SNCAIP: variants seen among roughly 807,000 people sequenced by gnomAD.
The protein encoded by SNCAIP is synuclein alpha interacting protein, also known as synphilin-1.
In SNCAIP, 43 loss-of-function variants were observed where a neutral mutation model predicts 86.7. The ratio of observed to expected loss-of-function variants is 0.50; its 90% CI spans 0.39 to 0.64. SNCAIP has a LOEUF of 0.64. Ranked by LOEUF, SNCAIP falls within the 30% of genes least tolerant of loss-of-function variation. The probability of loss-of-function intolerance (pLI) is 0.00; values close to 1 mark genes in which losing one functional copy is unlikely to be tolerated. For synonymous variants in SNCAIP, 417 were observed against 427.2 expected (o/e 0.98, Z 0.29); for missense variants, 981 against 1,103.1 (o/e 0.89, Z 1.57).
At chr5:122,435,161 C>T (rs1412369733) in intron 6 of SNCAIP, among the ~76,000 whole-genome samples, 2 of 152,040 alleles carry the variant, frequency 1.3e-5, no homozygotes, top group Non-Finnish European at 2.9e-5. Context: ...TCAGAGGGTG[C>T]AATTATTTCA....
At chr5:122,339,516 G>T (rs1351743688) in intron 1 of SNCAIP, among the ~76,000 whole-genome samples, 1 of 152,168 alleles carries the variant, frequency 6.6e-6, no homozygotes, top group African/African-American at 2.4e-5. Flanking sequence ...GGGAGAGGCA[G>T]TTGGAATTCT....
intron 1 of SNCAIP, among the ~76,000 whole-genome samples, chr5:122,347,894 T>TA (rs961229953): frequency 1.6e-4 from 24 of 152,172 alleles, no homozygotes; most frequent in Admixed American, 3.9e-4. Flanking sequence ...ATTTTCTTTT[T>TA]AAAAAAAATA....
chr5:122,365,838 G>A (rs1292552443), intron 1 of SNCAIP, among the ~76,000 whole-genome samples: 2 of 152,190 alleles, frequency 1.3e-5, no homozygotes, highest in South Asian at 4.1e-4. Context: ...CAGGCGGGAT[G>A]CAGATGCATG....
intron 1 of SNCAIP, among the ~76,000 whole-genome samples, chr5:122,357,253 C>T (rs761023723): frequency 6.6e-6 from 1 of 151,660 alleles, no homozygotes; most frequent in Non-Finnish European, 1.5e-5. Context: ...TTATTTATTT[C>T]AAGACAGAGT....
At chr5:122,453,437 C>G (rs1031863675) in intron 10 of SNCAIP, among the ~76,000 whole-genome samples, 1 of 152,196 alleles carries the variant, frequency 6.6e-6, no homozygotes, top group African/African-American at 2.4e-5. Context: ...TACCATTTTG[C>G]TGATCTCAGG....
At chr5:122,411,505 A>G (rs146916055) in intron 3 of SNCAIP, among the ~76,000 whole-genome samples, 2 of 152,184 alleles carry the variant, frequency 1.3e-5, no homozygotes, top group African/African-American at 4.8e-5. Context: ...AATGGGCTCT[A>G]TCTTCCCATT....
At chr5:122,398,620 G>T (rs1771125773) in intron 2 of SNCAIP, among the ~76,000 whole-genome samples, 1 of 152,136 alleles carries the variant, frequency 6.6e-6, no homozygotes, top group African/African-American at 2.4e-5. Flanking sequence ...CACCATGGTT[G>T]TTTGGATGGC....
At chr5:122,402,542 A>G (rs1049039540) in intron 2 of SNCAIP, among the ~76,000 whole-genome samples, 4 of 152,112 alleles carry the variant, frequency 2.6e-5, no homozygotes, top group Admixed American at 1.3e-4. Flanking sequence ...CTGGAAATTT[A>G]ATTTGTTTGT....
intron 1 of SNCAIP, among the ~76,000 whole-genome samples, chr5:122,381,095 T>A (rs201171707): frequency 7.1e-6 from 1 of 141,010 alleles, no homozygotes; most frequent in African/African-American, 2.7e-5. Flanking sequence ...CTGGGTATCC[T>A]TGTTGACTTT....
chr5:122,387,352 G>A (rs1198772707), intron 1 of SNCAIP, among the ~76,000 whole-genome samples: 2 of 152,108 alleles, frequency 1.3e-5, no homozygotes, highest in East Asian at 3.9e-4. Flanking sequence ...TAGAGATGGG[G>A]TTTCATTGTG....
At position 122,358,203 on chromosome 5, in the gene SNCAIP, G is replaced by GTGTGTGTGTGTGTGTGTATA. The variant is rs1221236719; in HGVS notation, c.-46-32885_-46-32884insGTGTGTGTGTGTGTGTATAT. On this transcript the variant is annotated intron_variant, in intron 1 of 10. Transcript: ENST00000261368. ...TGTGTGTGTGTGTGTGTGTGTGTGT[G>GTGTGTGTGTGTGTGTGTATA]TATATATATATATATAAAATACTTT... Among the ~76,000 whole-genome samples, 4 of 130,334 alleles carry GTGTGTGTGTGTGTGTGTATA rather than the reference G, an allele frequency of 3.1e-5. No individual in the cohort carries two copies. The Admixed American group carries it at 3.1e-4, about 10-fold the overall frequency. The allele number at this position is 130,334 out of a possible 152,430, so 85.5% of individuals were successfully genotyped here. A position where few individuals can be genotyped will look rare whatever the true frequency, so the allele number is the denominator to read the frequency against.
intron 6 of SNCAIP, among the ~76,000 whole-genome samples, chr5:122,438,188 T>C (rs921254200): frequency 6.6e-6 from 1 of 152,222 alleles, no homozygotes; most frequent in Non-Finnish European, 1.5e-5. Context: ...CATCTTCTTA[T>C]AATGTTGATG....
intron 1 of SNCAIP, among the ~76,000 whole-genome samples, chr5:122,365,303 T>C (rs1359079730): frequency 6.6e-6 from 1 of 152,240 alleles, no homozygotes; most frequent in Non-Finnish European, 1.5e-5. Flanking sequence ...ATGATTTGTT[T>C]GGGGATAAGA....
intron 1 of SNCAIP, among the ~76,000 whole-genome samples, chr5:122,360,292 A>G (rs1761951579): frequency 6.6e-6 from 1 of 152,190 alleles, no homozygotes; most frequent in South Asian, 2.1e-4. Context: ...AGTGGCACCA[A>G]TGGAATAGAA....
intron 1 of SNCAIP, among the ~76,000 whole-genome samples, chr5:122,350,898 G>A (rs914531544): frequency 3.3e-5 from 5 of 152,144 alleles, no homozygotes; most frequent in African/African-American, 4.8e-5. Context: ...AGCAGAAGCC[G>A]GAACACCAAA....
intron 5 of SNCAIP, among the ~76,000 whole-genome samples, chr5:122,429,655 A>G (rs1778002519): frequency 6.6e-6 from 1 of 152,118 alleles, no homozygotes; most frequent in Admixed American, 6.5e-5. Flanking sequence ...TTCGTTTTTA[A>G]TCCTGGTAGG....
At chr5:122,444,309 C>T in intron 7 of SNCAIP, 1 of 549,096 alleles carries the variant, frequency 1.8e-6, no homozygotes, top group Non-Finnish European at 3.4e-6. Flanking sequence ...CTGCATATCT[C>T]ATAAAGGAGA....
chr5:122,359,078 C>A (rs1761686370), intron 1 of SNCAIP, among the ~76,000 whole-genome samples: 1 of 151,910 alleles, frequency 6.6e-6, no homozygotes, highest in South Asian at 2.1e-4. Flanking sequence ...AAGAACAATT[C>A]TTCATATACA....
At chr5:122,432,133 C>T in intron 6 of SNCAIP, 51 bp downstream of exon 6, 1 of 816,688 alleles carries the variant, frequency 1.2e-6, no homozygotes, top group Non-Finnish European at 2.2e-6. Context: ...TATAATCTTC[C>T]TACTTTTTTA....
Sources: gnomAD v4.1 joint callset for allele counts (sites outside exome capture counted in the v4.1 genomes callset) on GRCh38, gnomAD v4.1.1 for gene constraint, MANE v1.5 for transcripts, NCBI Gene and HGNC (gene_info 2026-07-23, HGNC 2026-07-21) for gene names.